TIMM50: variants seen among roughly 807,000 people sequenced by gnomAD.
TIMM50 encodes the protein translocase of inner mitochondrial membrane 50, also known as mitochondrial import inner membrane translocase subunit TIM50.
In TIMM50, 34 loss-of-function variants were observed where a neutral mutation model predicts 49.6. That is an observed-to-expected ratio of 0.69 (90% confidence interval 0.52 to 0.91). The LOEUF is 0.91. TIMM50 is among the 40% of genes least tolerant of loss of function. The pLI, the probability that TIMM50 is intolerant of heterozygous loss-of-function variation, is 0.00. For missense variants in TIMM50, 458 were observed against 477.8 expected (o/e 0.96, Z 0.39); for synonymous variants, 199 against 198.4 (o/e 1.00, Z -0.03).
chr19:39,486,300 C>T lies in TIMM50; in HGVS notation c.597+9C>T. 6.2e-7 allele frequency: 1 copy of T among 1,614,004 alleles called. No individual in the cohort carries two copies. On this transcript the variant is annotated intron_variant, in intron 7 of 10. Coordinates refer to ENST00000607714, the MANE Select transcript of TIMM50 (RefSeq NM_001001563.5). ...CGTCAGAGACTGGCATGGTGAGGCT[C>T]TGGGGCAGGGGAGGGAATATTGGTG... is the stretch of plus-strand genomic sequence containing the variant.
chr19:39,483,313 C>A, intron 4 of TIMM50, 157 bp downstream of exon 4: 2 of 921,278 alleles, frequency 2.2e-6, no homozygotes, highest in Admixed American at 2.3e-5. Flanking sequence ...AGGGACATTA[C>A]AAAGCCCAAG....
At chr19:39,489,465 CG>C (rs2079529607) in intron 10 of TIMM50, among the ~76,000 whole-genome samples, 1 of 152,072 alleles carries the variant, frequency 6.6e-6, no homozygotes, top group Admixed American at 6.6e-5. Flanking sequence ...TGGAGTCTGT[CG>C]TCCCCCAAAC....
intron 4 of TIMM50, among the ~76,000 whole-genome samples, chr19:39,484,415 A>T (rs2079491565): frequency 1.3e-5 from 2 of 152,230 alleles, no homozygotes; most frequent in South Asian, 4.1e-4. Context: ...AAAAAAAAAT[A>T]AGTTAAAATG....
Position 39,490,401 on chromosome 19 carries a change from G to T in TIMM50, c.*581G>T, listed in dbSNP as rs1366070107. 1 of 151,938 alleles carries T rather than the reference G, an allele frequency of 6.6e-6. No individual in the cohort carries two copies. 9.4% of individuals were successfully genotyped at this position (151,938 alleles called of 1,614,324 possible). On this transcript the variant is annotated 3_prime_UTR_variant, in exon 11 of 11. Transcript: ENST00000607714. ...TATTTTTTTTTTTTTTTTGAGACAG[G>T]GTCTCACTGTTGCCCAGGCTGGAGT... is the stretch of plus-strand genomic sequence containing the variant.
chr19:39,485,214 G>A (rs575787561), intron 4 of TIMM50: 14 of 353,698 alleles, frequency 4.0e-5, no homozygotes, highest in African/African-American at 1.5e-4. Context: ...CGTCTGCCTC[G>A]GCCTCCCAAA....
intron 9 of TIMM50, 133 bp downstream of exon 9, chr19:39,488,350 C>T: frequency 8.4e-7 from 1 of 1,192,032 alleles, no homozygotes; most frequent in Non-Finnish European, 1.2e-6. Context: ...TCTTTAGGAG[C>T]TTCTTAGGAT....
intron 10 of TIMM50, among the ~76,000 whole-genome samples, chr19:39,489,196 C>T (rs889926146): frequency 1.4e-4 from 21 of 151,384 alleles, no homozygotes; most frequent in African/African-American, 5.1e-4. Context: ...TGGGGACCCC[C>T]CAGGGAACCC....
rs1216635907 is a variant in TIMM50, at chr19:39,488,647, T to C, written c.960+2T>C. The C allele has an allele frequency of 1.9e-6, 3 of 1,613,168 alleles. No individual in the cohort carries two copies. The highest frequency in any genetic ancestry group is 2.5e-6 in the Non-Finnish European group (3 of 1,179,592). ...CAGCGGCAAAGCCGGCTAGAGCAGG[T>C]TGGTGCTCAGATGCCCAGAGTGGAG... On this transcript the variant is annotated splice_donor_variant, in intron 10 of 10. Transcript: ENST00000607714. LOFTEE classifies it high-confidence loss of function.
Position 39,489,925 on chromosome 19 carries a change from C to A in TIMM50, c.*105C>A. ...AATAAAGTACATCCCAGACGCCACA[C>A]CTGCTGTGTCCCGAGAGTCTCCAGA... On this transcript the variant is annotated 3_prime_UTR_variant, in exon 11 of 11. Transcript: ENST00000607714. 9.2e-7 allele frequency: 1 copy of A among 1,081,750 alleles called. No individual in the cohort carries two copies. Among genetic ancestry groups the A allele is most frequent in the Non-Finnish European group, 1.4e-6 (1 of 730,582 alleles). The allele number at this position is 1,081,750 out of a possible 1,614,324, so 67.0% of individuals were successfully genotyped here.
rs1182236433 is a variant in TIMM50, at chr19:39,485,827, GTGGGT to G, written c.492+25_492+29del. 6.2e-7 allele frequency: 1 copy of G among 1,613,746 alleles called. No individual in the cohort carries two copies. Among genetic ancestry groups the G allele is most frequent in the Non-Finnish European group, 8.5e-7 (1 of 1,179,902 alleles). ...TGGTCGGTGTGTCCCGGGAAACCCAGTGGGTTGGGGATAGACCTGGGCAGTGGGGT... is the reference window on the plus strand; with the variant it reads ...TGGTCGGTGTGTCCCGGGAAACCCAGTGGGGATAGACCTGGGCAGTGGGGT... On this transcript the variant is annotated intron_variant, in intron 6 of 10. Coordinates refer to ENST00000607714, the MANE Select transcript of TIMM50 (RefSeq NM_001001563.5).
At position 39,486,389 on chromosome 19, in the gene TIMM50, A is replaced by G. The variant is rs1568442230; in HGVS notation, c.598-8A>G. On this transcript the variant is annotated splice_polypyrimidine_tract_variant and splice_region_variant and intron_variant, in intron 7 of 10. Coordinates refer to ENST00000607714, the MANE Select transcript of TIMM50 (RefSeq NM_001001563.5). ...CCTGACCTTTTCTCGCTCCCTTCCC[A>G]CCCCCAGACTGCGTTTCCACTCATT... is the stretch of plus-strand genomic sequence containing the variant. The G allele has an allele frequency of 1.9e-6, 3 of 1,613,378 alleles. No individual in the cohort carries two copies. The highest frequency in any genetic ancestry group is 2.5e-6 in the Non-Finnish European group (3 of 1,179,838).
intron 8 of TIMM50, among the ~76,000 whole-genome samples, chr19:39,487,599 A>G (rs901221839): frequency 6.6e-6 from 1 of 152,090 alleles, no homozygotes; most frequent in African/African-American, 2.4e-5. Flanking sequence ...CTGGGACTAC[A>G]AGCACACACC....
intron 2 of TIMM50, among the ~76,000 whole-genome samples, chr19:39,482,330 C>T (rs1233919777): frequency 1.3e-5 from 2 of 152,140 alleles, no homozygotes; most frequent in Non-Finnish European, 2.9e-5. Context: ...TCCTCAGCAG[C>T]CAAAAATCCA....
chr19:39,489,945 TC>T lies in TIMM50; in HGVS notation c.*127del. The T allele has an allele frequency of 1.1e-6, 1 of 913,938 alleles. No individual in the cohort carries two copies. The highest frequency in any genetic ancestry group is 1.7e-6 in the Non-Finnish European group (1 of 592,168). 56.6% of individuals were successfully genotyped at this position (913,938 alleles called of 1,614,324 possible). On this transcript the variant is annotated 3_prime_UTR_variant, in exon 11 of 11. Transcript: ENST00000607714. ...CCACACCTGCTGTGTCCCGAGAGTCTCCAGATGGGGGCATCAGGGTGAGGTC... is the reference window on the plus strand; with the variant it reads ...CCACACCTGCTGTGTCCCGAGAGTCTCAGATGGGGGCATCAGGGTGAGGTC...
intron 8 of TIMM50, among the ~76,000 whole-genome samples, chr19:39,486,803 G>A (rs2079510514): frequency 1.3e-5 from 2 of 152,296 alleles, no homozygotes; most frequent in South Asian, 4.1e-4. Flanking sequence ...AGTGTTTCTG[G>A]GAAGGTTTGC....
At position 39,488,056 on chromosome 19, in the gene TIMM50, T is replaced by G; in HGVS notation, c.697-5T>G. The stretch of plus-strand genomic sequence containing the variant: ...ATGTTGACCTGATCTGTCACTCACT[T>G]CCAGGATATTTCATGTCTGAATCGG... On this transcript the variant is annotated splice_region_variant and splice_polypyrimidine_tract_variant and intron_variant, in intron 8 of 10. Coordinates refer to ENST00000607714, the MANE Select transcript of TIMM50 (RefSeq NM_001001563.5). 1.2e-6 allele frequency: 2 copies of G among 1,607,434 alleles called. No homozygotes were observed. Among genetic ancestry groups the G allele is most frequent in the Non-Finnish European group, 1.7e-6 (2 of 1,175,008 alleles).
rs1568441706 is a variant in TIMM50, at chr19:39,485,620, GCTCAGTCCCCATGTCTCCAGCCCTGGC to G, written c.372+22_373-38del. 1 of 1,614,124 alleles carries G rather than the reference GCTCAGTCCCCATGTCTCCAGCCCTGGC, an allele frequency of 6.2e-7. No individual in the cohort carries two copies. Among genetic ancestry groups the G allele is most frequent in the South Asian group, 1.1e-5 (1 of 91,080 alleles). ...ATAGACAGGTGAGCAGAAGCCCTGG[GCTCAGTCCCCATGTCTCCAGCCCTGGC>G]CTCCTTGTCTGAGCGCCCCCATCCT... On this transcript the variant is annotated intron_variant, in intron 5 of 10. Coordinates refer to ENST00000607714, the MANE Select transcript of TIMM50 (RefSeq NM_001001563.5).
At chr19:39,485,342 T>C in intron 4 of TIMM50, 2 of 626,438 alleles carry the variant, frequency 3.2e-6, no homozygotes, top group South Asian at 1.9e-5. Flanking sequence ...AAGTATCAGC[T>C]TAAAATAGGG....
At position 39,481,089 on chromosome 19, in the gene TIMM50, G is replaced by C. The variant is rs2079468017; in HGVS notation, c.108+128G>C. On this transcript the variant is annotated intron_variant, in intron 1 of 10. Coordinates refer to ENST00000607714, the MANE Select transcript of TIMM50 (RefSeq NM_001001563.5). ...CTGAATGAAACGCCGCTTGTGTTTTGGGGCCCTTCCCAACCTCCTGGGTGG... is the reference window on the plus strand; with the variant it reads ...CTGAATGAAACGCCGCTTGTGTTTTCGGGCCCTTCCCAACCTCCTGGGTGG... The C allele has an allele frequency of 1.4e-5, 18 of 1,274,318 alleles. No homozygotes were observed. In the South Asian group the frequency reaches 2.8e-4, roughly 20 times the overall value. 78.9% of individuals were successfully genotyped at this position (1,274,318 alleles called of 1,614,324 possible).
Sources: gnomAD v4.1 joint callset for allele counts (sites outside exome capture counted in the v4.1 genomes callset) on GRCh38, gnomAD v4.1.1 for gene constraint, MANE v1.5 for transcripts, NCBI Gene and HGNC (gene_info 2026-07-23, HGNC 2026-07-21) for gene names.